DCAF1: variants seen among roughly 807,000 people sequenced by gnomAD.
The protein encoded by DCAF1 is DDB1 and CUL4 associated factor 1, also known as DDB1- and CUL4-associated factor 1.
A neutral mutation model predicts 128.0 loss-of-function variants in DCAF1; 15 were observed. That is an observed-to-expected ratio of 0.12 (90% confidence interval 0.08 to 0.18). DCAF1 has a LOEUF of 0.18. Among genes scored for constraint, DCAF1 ranks in the 10% least tolerant of loss-of-function variants. The pLI is 1.00. For missense variants in DCAF1, 988 were observed against 1,649.5 expected (o/e 0.60, Z 6.95); for synonymous variants, 610 against 603.0 (o/e 1.01, Z -0.17).
intron 3 of DCAF1, among the ~76,000 whole-genome samples, chr3:51,477,206 G>A (rs901795567): frequency 3.3e-5 from 5 of 151,274 alleles, no homozygotes; most frequent in Admixed American, 2.6e-4. Flanking sequence ...CTGTTCTTAC[G>A]AAACTGTCAA....
intron 4 of DCAF1, among the ~76,000 whole-genome samples, chr3:51,470,385 A>G (rs1480427933): frequency 1.3e-5 from 2 of 152,016 alleles, no homozygotes; most frequent in Non-Finnish European, 2.9e-5. Context: ...GCAAAGCAAG[A>G]CCCCATCTCT....
Position 51,453,907 on chromosome 3 carries a change from C to T in DCAF1, c.375+9207G>A, listed in dbSNP as rs1235981170. On this transcript the variant is annotated intron_variant, in intron 6 of 24. Coordinates refer to ENST00000684031, the MANE Select transcript of DCAF1 (RefSeq NM_001387579.1). ...GGCAGAGGTTGCAGTGGCCCGAGAT[C>T]GCGCCACTGCCTCCAGCCTGCACGA... is the stretch of plus-strand genomic sequence containing the variant. Among the ~76,000 whole-genome samples, 23 of 151,512 alleles carry T rather than the reference C, an allele frequency of 1.5e-4. No individual in the cohort carries two copies. In the South Asian group the frequency reaches 2.5e-3, roughly 16 times the overall value.
chr3:51,440,417 T>C (rs553359546), intron 9 of DCAF1, among the ~76,000 whole-genome samples: 8 of 152,304 alleles, frequency 5.3e-5, no homozygotes, highest in Middle Eastern at 6.8e-3. Flanking sequence ...AAGACCAGCC[T>C]GGGCAACATA....
chr3:51,438,032 A>G (rs782658593), intron 9 of DCAF1: 2 of 400,880 alleles, frequency 5.0e-6, no homozygotes, highest in African/African-American at 2.1e-5. Flanking sequence ...TATACCTGTT[A>G]TATGTTCATC....
intron 23 of DCAF1, among the ~76,000 whole-genome samples, chr3:51,410,889 G>A (rs1161515491): frequency 6.6e-6 from 1 of 152,184 alleles, no homozygotes; most frequent in Non-Finnish European, 1.5e-5. Flanking sequence ...TGGGCGTGGT[G>A]GCTCATGCCT....
intron 1 of DCAF1, among the ~76,000 whole-genome samples, chr3:51,498,229 G>A (rs562911964): frequency 4.7e-4 from 69 of 148,294 alleles, no homozygotes; most frequent in Non-Finnish European, 7.6e-4. Flanking sequence ...GCGTGGTGGC[G>A]CGTGCCTGTA....
At chr3:51,477,638 A>C (rs1577279150) in intron 3 of DCAF1, among the ~76,000 whole-genome samples, 1 of 152,078 alleles carries the variant, frequency 6.6e-6, no homozygotes, top group East Asian at 1.9e-4. Context: ...ATTGGAGTCA[A>C]AACCCAGGAT....
intron 2 of DCAF1, among the ~76,000 whole-genome samples, chr3:51,488,437 G>A (rs1559577381): frequency 6.6e-6 from 1 of 152,116 alleles, no homozygotes; most frequent in Non-Finnish European, 1.5e-5. Context: ...CAGCACTTTG[G>A]GAGGCCAAGG....
At chr3:51,422,805 T>C (rs1397281226) in intron 13 of DCAF1, among the ~76,000 whole-genome samples, 8 of 152,148 alleles carry the variant, frequency 5.3e-5, no homozygotes, top group Admixed American at 6.5e-5. Context: ...GGCTCAAGCC[T>C]ATAATCCCAA....
chr3:51,421,542 C>T (rs1553632480), intron 14 of DCAF1, among the ~76,000 whole-genome samples: 1 of 152,144 alleles, frequency 6.6e-6, no homozygotes, highest in East Asian at 1.9e-4. Flanking sequence ...CAGGTGTGAG[C>T]CACTGTGCTC....
intron 1 of DCAF1, among the ~76,000 whole-genome samples, chr3:51,499,394 G>A (rs925152904): frequency 1.3e-5 from 2 of 152,176 alleles, no homozygotes; most frequent in South Asian, 2.1e-4. Flanking sequence ...GGTGGCACGA[G>A]GCCGAGAGAC....
At chr3:51,484,434 T>C (rs1056476268) in intron 2 of DCAF1, among the ~76,000 whole-genome samples, 2 of 151,632 alleles carry the variant, frequency 1.3e-5, no homozygotes, top group Admixed American at 6.6e-5. Flanking sequence ...GATCACACCA[T>C]TGCACTCCAG....
Position 51,414,810 on chromosome 3 carries a change from T to G in DCAF1, c.3651A>C (p.Pro1217=). Residue 1217 remains proline, a synonymous_variant, in exon 19 of 25, where the codon CCA becomes CCC. Transcript: ENST00000684031. The stretch of plus-strand genomic sequence containing the variant: ...TCCTCTTGTAGTTGTTGGCAAGATC[T>G]GGGTTAAACAGAGTCAACAGCTTGT... ...TGNKLLTLFN[P]DLANNYKRNC... is the part of the protein sequence containing the mutation. 6.2e-7 allele frequency: 1 copy of G among 1,614,040 alleles called. No individual in the cohort carries two copies. Among genetic ancestry groups the G allele is most frequent in the Non-Finnish European group, 8.5e-7 (1 of 1,179,900 alleles).
chr3:51,432,993 ATTCC>A, intron 10 of DCAF1, 109 bp downstream of exon 10: 1 of 396,282 alleles, frequency 2.5e-6, no homozygotes, highest in South Asian at 1.4e-4. Context: ...ATTAAAATTT[ATTCC>A]TTCAACTACT....
In DCAF1 at chr3:51,441,358, G is replaced by A. The variant is rs370680821; in HGVS notation, c.1026+27C>T. The A allele has an allele frequency of 2.2e-4, 356 of 1,596,878 alleles. 3 individuals carry two copies. Among genetic ancestry groups the A allele is most frequent in the Middle Eastern group, 1.5e-3 (9 of 6,018 alleles). ...AATGAACACAATAATTCCTATGTGT[G>A]AACAGTACTCTTCCCAATAAGCTTA... is the stretch of plus-strand genomic sequence containing the variant. On this transcript the variant is annotated intron_variant, in intron 8 of 24. Coordinates refer to ENST00000684031, the MANE Select transcript of DCAF1 (RefSeq NM_001387579.1).
rs368477096 is a variant in DCAF1 at position 51,418,212 on chromosome 3, G to A, written c.3436-14C>T. The A allele has an allele frequency of 7.5e-6, 12 of 1,602,666 alleles. No homozygotes were observed. The highest frequency in any genetic ancestry group is 1.0e-5 in the Non-Finnish European group (12 of 1,174,794). The stretch of plus-strand genomic sequence containing the variant: ...CAAGGACCCATCCTAAAAGAAAAAG[G>A]CGCAAGGTGGGTAACCACGTATTTA... On this transcript the variant is annotated splice_polypyrimidine_tract_variant and intron_variant, in intron 16 of 24. Coordinates refer to ENST00000684031, the MANE Select transcript of DCAF1 (RefSeq NM_001387579.1).
intron 2 of DCAF1, among the ~76,000 whole-genome samples, chr3:51,484,714 ACT>A (rs2108438678): frequency 8.0e-6 from 1 of 125,182 alleles, no homozygotes; most frequent in East Asian, 2.4e-4. Flanking sequence ...ATGGAGTCTC[ACT>A]CTGTCACCCA....
chr3:51,432,267 T>TAAAA (rs879192648), intron 10 of DCAF1, among the ~76,000 whole-genome samples: 6 of 98,996 alleles, frequency 6.1e-5, no homozygotes, highest in African/African-American at 1.6e-4. Context: ...CAAGATTCTG[T>TAAAA]AAAAAAAAAA....
intron 22 of DCAF1, 41 bp downstream of exon 22, chr3:51,412,952 C>T (rs1373250885): frequency 6.2e-7 from 1 of 1,609,496 alleles, no homozygotes; most frequent in African/African-American, 1.3e-5. Context: ...TTATCCTAAA[C>T]ATCAGAACAA....
Sources: gnomAD v4.1 joint callset for allele counts (sites outside exome capture counted in the v4.1 genomes callset) on GRCh38, gnomAD v4.1.1 for gene constraint, MANE v1.5 for transcripts, NCBI Gene and HGNC (gene_info 2026-07-23, HGNC 2026-07-21) for gene names.